DEPDC5: variants seen among roughly 807,000 people sequenced by gnomAD.
The protein encoded by DEPDC5 is DEP domain containing 5, GATOR1 subcomplex subunit.
Under a neutral mutation model 217.3 loss-of-function variants are expected in DEPDC5, and 73 were observed. That is an observed-to-expected ratio of 0.34 (90% CI 0.28 to 0.41). DEPDC5 has a LOEUF of 0.41. Ranked by LOEUF, DEPDC5 falls within the 10% of genes least tolerant of loss-of-function variation. The probability of loss-of-function intolerance (pLI) is 1.00; values close to 1 mark genes in which losing one functional copy is unlikely to be tolerated. For missense variants in DEPDC5, 1,675 were observed against 2,070.1 expected (o/e 0.81, Z 3.70); for synonymous variants, 733 against 756.7 (o/e 0.97, Z 0.51).
At chr22:31,776,154 C>T (rs964471685) in intron 7 of DEPDC5, among the ~76,000 whole-genome samples, 1 of 146,806 alleles carries the variant, frequency 6.8e-6, no homozygotes, top group Non-Finnish European at 1.5e-5. Context: ...CTCTGTTGCC[C>T]AGACTGGAGT....
chr22:31,767,080 C>A (rs1195755303), intron 6 of DEPDC5, among the ~76,000 whole-genome samples: 1 of 151,970 alleles, frequency 6.6e-6, no homozygotes, highest in African/African-American at 2.4e-5. Context: ...AACCCAGATC[C>A]TGTGGCTTCC....
At chr22:31,905,848 G>T in intron 41 of DEPDC5, 136 bp from the exon 42 acceptor site, 1 of 749,446 alleles carries the variant, frequency 1.3e-6, no homozygotes, top group Admixed American at 2.7e-5. Context: ...TAAGCAGCCT[G>T]CATGTGCAAT....
In DEPDC5 at chr22:31,879,607, G is replaced by C. The variant is rs1338796439; in HGVS notation, c.3888G>C (p.Val1296=). ...GCTTCCAGCGCAAGTGGTTTGAGGT[G>C]GCCTTTGTGGCAGAAGAGCTCGTGC... ...FASFQRKWFE[V]AFVAEELVHS... Residue 1296 remains valine, a synonymous_variant, in exon 38 of 43, where the codon GTG becomes GTC. Coordinates refer to ENST00000651528, the MANE Select transcript of DEPDC5 (RefSeq NM_001242896.3). 1 of 1,613,928 alleles carries C rather than the reference G, an allele frequency of 6.2e-7. No homozygotes were observed.
chr22:31,853,554 T>TA (rs2092139952), intron 31 of DEPDC5: 1 of 152,224 alleles, frequency 6.6e-6, no homozygotes, highest in Non-Finnish European at 1.5e-5. Context: ...CAAAACAACA[T>TA]ACAGCAGACA....
intron 26 of DEPDC5, among the ~76,000 whole-genome samples, chr22:31,838,247 C>T (rs1026061482): frequency 2.0e-5 from 3 of 152,130 alleles, no homozygotes; most frequent in Admixed American, 6.5e-5. Flanking sequence ...CCCCAAAACA[C>T]TGATTTACAA....
At chr22:31,873,134 C>T (rs1422673014) in intron 34 of DEPDC5, 121 bp from the exon 35 acceptor site, 34 of 1,560,718 alleles carry the variant, frequency 2.2e-5, no homozygotes, top group Non-Finnish European at 3.0e-5. Context: ...ACTAAAATGC[C>T]TTTAGTGTCA....
At chr22:31,856,696 T>G (rs1885917785) in intron 31 of DEPDC5, among the ~76,000 whole-genome samples, 1 of 152,222 alleles carries the variant, frequency 6.6e-6, no homozygotes, top group African/African-American at 2.4e-5. Flanking sequence ...ATTTGAAAGA[T>G]TAACCTATAA....
chr22:31,804,959 C>G (rs371994199), intron 17 of DEPDC5, 44 bp downstream of exon 17: 3 of 1,550,754 alleles, frequency 1.9e-6, no homozygotes, highest in Non-Finnish European at 1.8e-6. Flanking sequence ...GCGTTTTGAA[C>G]AGCTTCCTTG....
At chr22:31,867,491 T>C (rs1188065824) in intron 33 of DEPDC5, among the ~76,000 whole-genome samples, 5 of 152,222 alleles carry the variant, frequency 3.3e-5, no homozygotes, top group African/African-American at 1.2e-4. Context: ...ACAAAATGCC[T>C]TTTCTGTGCA....
Position 31,874,337 on chromosome 22 carries a change from G to A in DEPDC5, c.3628G>A (p.Val1210Met). ...LSPYCFISAE[V>M]VHWLVNHVEG... ...ACCGTACTGCTTCATCAGCGCGGAG[G>A]TGGTACACTGGTTGGTGAACCACGT... Residue 1210 changes from valine to methionine, a missense_variant, in exon 36 of 43, where the codon GTG becomes ATG. Physicochemically the swap from Val to Met is conservative, Grantham distance 21. This residue lies in a region of DEPDC5 where 194 missense variants were observed against 199.3 expected (regional missense o/e 0.97). Transcript: ENST00000651528. 1.2e-6 allele frequency: 2 copies of A among 1,611,112 alleles called. No homozygotes were observed. Among genetic ancestry groups the A allele is most frequent in the Non-Finnish European group, 1.7e-6 (2 of 1,178,746 alleles).
At chr22:31,775,873 C>T (rs1261337649) in intron 7 of DEPDC5, among the ~76,000 whole-genome samples, 2 of 151,610 alleles carry the variant, frequency 1.3e-5, no homozygotes, top group Non-Finnish European at 2.9e-5. Flanking sequence ...AACCTCATCT[C>T]TACTAAAAAT....
In DEPDC5 at chr22:31,906,302, C is replaced by G. The variant is rs1432253169; in HGVS notation, c.4617C>G (p.Phe1539Leu). ...CCAGCTCCACCAACCAGAACATGTT[C>G]TGCGAGGAGCGGGTCGGCTACAACT... is the stretch of plus-strand genomic sequence containing the variant. ...NSTSSTNQNMFCEERVGYNWA... is the reference protein window; with the variant it reads ...NSTSSTNQNMLCEERVGYNWA... Residue 1539 changes from phenylalanine (F) to leucine (L), a missense_variant, in exon 43 of 43, where the codon TTC (phenylalanine) becomes TTG (leucine). Coordinates refer to ENST00000651528, the MANE Select transcript of DEPDC5 (RefSeq NM_001242896.3). This position sits in a 1 kb window ranked among gnomAD's most constrained non-coding sequence, Gnocchi z 5.1. 1.2e-6 allele frequency: 2 copies of G among 1,613,990 alleles called. No homozygotes were observed. The highest frequency in any genetic ancestry group is 1.7e-5 in the Admixed American group (1 of 60,034).
At chr22:31,829,730 T>C (rs2090448440) in intron 24 of DEPDC5, among the ~76,000 whole-genome samples, 2 of 151,996 alleles carry the variant, frequency 1.3e-5, no homozygotes, top group Non-Finnish European at 2.9e-5. Flanking sequence ...AGAATTTCAT[T>C]TGGAGTGTTG....
chr22:31,837,884 G>A (rs1234106473), intron 26 of DEPDC5, among the ~76,000 whole-genome samples: 2 of 151,798 alleles, frequency 1.3e-5, no homozygotes, highest in African/African-American at 4.8e-5. Flanking sequence ...TGTATTTTTA[G>A]TAGAGATAGG....
chr22:31,790,892 G>A lies in DEPDC5; in HGVS notation c.625-1141G>A, dbSNP rs182111384. On this transcript the variant is annotated intron_variant, in intron 10 of 42. Coordinates refer to ENST00000651528, the MANE Select transcript of DEPDC5 (RefSeq NM_001242896.3). ...CTCCTGAGTAGCTGCAATTTCAGGC[G>A]CGTGCCACATTGCCTGGGTAATTTT... 7.4e-4 allele frequency among the ~76,000 whole-genome samples: 113 copies of A among 151,900 alleles called. No individual in the cohort carries two copies. The East Asian group carries it at 0.013, about 18-fold the overall frequency.
chr22:31,765,181 C>T, intron 5 of DEPDC5, 121 bp downstream of exon 5: 2 of 761,428 alleles, frequency 2.6e-6, no homozygotes, highest in Non-Finnish European at 2.2e-6. Context: ...GTGTGGCCTG[C>T]TAGGTGTGGT....
At chr22:31,876,511 G>T (rs1569176626) in intron 37 of DEPDC5, among the ~76,000 whole-genome samples, 2 of 152,172 alleles carry the variant, frequency 1.3e-5, no homozygotes, top group East Asian at 3.9e-4. Flanking sequence ...GAGGCCAAGG[G>T]ACCTGGTGTG....
intron 33 of DEPDC5, among the ~76,000 whole-genome samples, chr22:31,865,357 C>T (rs1480444219): frequency 6.6e-6 from 1 of 151,912 alleles, no homozygotes; most frequent in Non-Finnish European, 1.5e-5. Context: ...AGCTGGGTGT[C>T]GTGGTGCATG....
chr22:31,805,796 C>T (rs2087456306), intron 17 of DEPDC5, among the ~76,000 whole-genome samples: 1 of 152,100 alleles, frequency 6.6e-6, no homozygotes, highest in Admixed American at 6.6e-5. Flanking sequence ...TGTTTTTGAC[C>T]TACAAAAGTA....
Sources: allele counts gnomAD v4.1 joint callset (sites outside exome capture counted in the v4.1 genomes callset), GRCh38; gene constraint gnomAD v4.1.1; regional missense constraint gnomAD v4.1.1; non-coding constraint Gnocchi (gnomAD v3.1); transcripts MANE v1.5; gene names NCBI Gene and HGNC (gene_info 2026-07-23, HGNC 2026-07-21).